SP3: variants seen among roughly 807,000 people sequenced by gnomAD.
The protein encoded by SP3 is transcription factor Sp3.
A neutral mutation model predicts 70.3 loss-of-function variants in SP3; 10 were observed. That is an observed-to-expected ratio of 0.14 (90% CI 0.09 to 0.24). The LOEUF is 0.24. SP3 is among the 10% of genes least tolerant of loss of function. The pLI, the probability that SP3 is intolerant of heterozygous loss-of-function variation, is 1.00. For missense variants in SP3, 825 were observed against 914.6 expected, an observed-to-expected ratio of 0.90 and a Z score of 1.26; for synonymous variants, 402 against 333.5, an observed-to-expected ratio of 1.21 and a Z score of -2.24.
rs894829713 is a variant in SP3 at position 173,903,206 on chromosome 2, CATAATATAAT to C, written c.*6725_*6734del. Reference sequence around the variant, plus strand: ...CTTCCAGTGCTTACATTTACTAATACATAATATAATATGTGCCAGGCATTATGGAAAGTGG... The same window carrying C: ...CTTCCAGTGCTTACATTTACTAATACATGTGCCAGGCATTATGGAAAGTGG... On this transcript the variant is annotated 3_prime_UTR_variant, in exon 7 of 7. Transcript: ENST00000310015. Among the ~76,000 whole-genome samples, 1 of 152,182 alleles carries C rather than the reference CATAATATAAT, an allele frequency of 6.6e-6. No individual in the cohort carries two copies. Among genetic ancestry groups the C allele is most frequent in the Admixed American group, 6.5e-5 (1 of 15,278 alleles).
intron 3 of SP3, among the ~76,000 whole-genome samples, chr2:173,957,394 T>C (rs1574425914): frequency 6.6e-6 from 1 of 151,942 alleles, no homozygotes; most frequent in Non-Finnish European, 1.5e-5. Flanking sequence ...AGACACAAGA[T>C]TGAAAAAAAA....
intron 4 of SP3, among the ~76,000 whole-genome samples, chr2:173,933,649 T>TATATATATAC (rs1690131700): frequency 7.4e-6 from 1 of 135,620 alleles, no homozygotes; most frequent in Admixed American, 7.2e-5. Context: ...TATATATATA[T>TATATATATAC]ATATATATAT....
At chr2:173,912,130 TTTC>T (rs1159374511) in intron 6 of SP3, among the ~76,000 whole-genome samples, 80 of 152,352 alleles carry the variant, frequency 5.3e-4, no homozygotes, top group African/African-American at 1.9e-3. Context: ...CCTTATCTAC[TTTC>T]TTAATTGTCT....
chr2:173,910,883 A>G (rs1689462802), intron 6 of SP3, among the ~76,000 whole-genome samples: 1 of 152,232 alleles, frequency 6.6e-6, no homozygotes, highest in Non-Finnish European at 1.5e-5. Context: ...ATTTCCCAGC[A>G]TGAATAAAGT....
intron 4 of SP3, among the ~76,000 whole-genome samples, chr2:173,953,433 G>A (rs774766473): frequency 8.5e-5 from 13 of 152,114 alleles, no homozygotes; most frequent in Non-Finnish European, 1.6e-4. Context: ...TGTAATCCCA[G>A]CACTTTGGGA....
chr2:173,900,849 GGATA>G lies in SP3; in HGVS notation c.*9088_*9091del, dbSNP rs1689178708. Among the ~76,000 whole-genome samples, 1 of 152,142 alleles carries G rather than the reference GGATA, an allele frequency of 6.6e-6. No individual in the cohort carries two copies. Among genetic ancestry groups the G allele is most frequent in the Non-Finnish European group, 1.5e-5 (1 of 67,998 alleles). ...TAATGGAGAGATACAGAATTATCAT[GGATA>G]GAAAGATAACATTCTTTCCCCAAAT... On this transcript the variant is annotated 3_prime_UTR_variant, in exon 7 of 7. Transcript: ENST00000310015.
intron 4 of SP3, among the ~76,000 whole-genome samples, chr2:173,923,001 A>G (rs1448309522): frequency 6.6e-6 from 1 of 152,258 alleles, no homozygotes; most frequent in Non-Finnish European, 1.5e-5. Flanking sequence ...CTGTAGCAAT[A>G]GTGCATGCTA....
At chr2:173,922,031 T>A (rs751878233) in intron 4 of SP3, among the ~76,000 whole-genome samples, 2 of 152,106 alleles carry the variant, frequency 1.3e-5, no homozygotes, top group Non-Finnish European at 2.9e-5. Context: ...ATGCTTCCGG[T>A]ACAGCCTGCA....
intron 4 of SP3, among the ~76,000 whole-genome samples, chr2:173,942,657 C>T (rs1690407071): frequency 6.6e-6 from 1 of 152,182 alleles, no homozygotes; most frequent in African/African-American, 2.4e-5. Flanking sequence ...TGATATTCCA[C>T]TGTTTACTGG....
intron 5 of SP3, chr2:173,913,821 T>A (rs1689555958): frequency 6.6e-6 from 1 of 152,174 alleles, no homozygotes. Context: ...GGAGAAAGCT[T>A]TTTTTTAAAT....
intron 3 of SP3, among the ~76,000 whole-genome samples, chr2:173,957,764 A>C (rs755068212): frequency 1.3e-5 from 2 of 152,174 alleles, no homozygotes; most frequent in African/African-American, 2.4e-5. Context: ...AAGGAGACTG[A>C]AAGAAAGGGA....
rs1689214496 is a variant in SP3 at position 173,902,832 on chromosome 2, G to A, written c.*7109C>T. ...CATTCTGATAAACATCAAATTCAGA[G>A]CTGCAATTACTTATGTGGGTAAAGG... On this transcript the variant is annotated 3_prime_UTR_variant, in exon 7 of 7. Transcript: ENST00000310015. Among the ~76,000 whole-genome samples, 1 of 152,152 alleles carries A rather than the reference G, an allele frequency of 6.6e-6. No individual in the cohort carries two copies. The highest frequency in any genetic ancestry group is 1.5e-5 in the Non-Finnish European group (1 of 68,016).
chr2:173,928,658 C>T (rs1299084598), intron 4 of SP3, among the ~76,000 whole-genome samples: 1 of 152,064 alleles, frequency 6.6e-6, no homozygotes, highest in Non-Finnish European at 1.5e-5. Flanking sequence ...GCTTTGAACC[C>T]CTAGTTATTT....
chr2:173,925,861 A>T (rs1187566049), intron 4 of SP3, among the ~76,000 whole-genome samples: 2 of 152,224 alleles, frequency 1.3e-5, no homozygotes, highest in Non-Finnish European at 2.9e-5. Context: ...CTGTTCTACC[A>T]GGTTAAAATA....
intron 3 of SP3, among the ~76,000 whole-genome samples, chr2:173,956,444 G>T (rs1264211493): frequency 6.6e-6 from 1 of 152,028 alleles, no homozygotes; most frequent in South Asian, 2.1e-4. Flanking sequence ...ATTTGAGTGG[G>T]ATAAAAAAAA....
intron 2 of SP3, 197 bp downstream of exon 2, chr2:173,964,208 A>C: frequency 4.4e-6 from 2 of 457,790 alleles, no homozygotes; most frequent in African/African-American, 2.1e-5. Flanking sequence ...AAAAGGCGGC[A>C]GGCGGGCGAG....
Position 173,955,827 on chromosome 2 carries a change from G to A in SP3, c.685C>T (p.Pro229Ser). The change falls in exon 4 of 7, where the codon CCA becomes TCA. Residue 229 changes from proline to serine, a missense_variant. By Grantham distance (74) the Pro-to-Ser change is moderately conservative. Around this residue, in one of 4 missense-constraint regions of SP3, gnomAD observed 678 missense variants for 651.6 expected, o/e 1.04. Coordinates refer to ENST00000310015, the MANE Select transcript of SP3 (RefSeq NM_003111.5). ...TPSANIQNLI[P>S]QTGQVQVQGV... ...TGAACCTGGACTTGACCAGTCTGTG[G>A]TATGAGATTCTGGATGTTAGCAGAA... 1 of 1,614,214 alleles carries A rather than the reference G, an allele frequency of 6.2e-7. No homozygotes were observed. Among genetic ancestry groups the A allele is most frequent in the Non-Finnish European group, 8.5e-7 (1 of 1,180,030 alleles).
At chr2:173,964,303 AGAGACGAGGAGGGAGGGGT>A (rs1559113564) in intron 2 of SP3, 83 bp downstream of exon 2, 2 of 504,186 alleles carry the variant, frequency 4.0e-6, no homozygotes, top group African/African-American at 2.4e-5. Flanking sequence ...AGGGGAGGGG[AGAGACGAGGAGGGAGGGGT>A]GAGGCGAGGA....
At chr2:173,963,993 G>T in intron 2 of SP3, 110 bp from the exon 3 acceptor site, 1 of 666,346 alleles carries the variant, frequency 1.5e-6, no homozygotes, top group South Asian at 2.7e-5. Context: ...GACTGCGCCC[G>T]GGCAAGCGCC....
Sources: gnomAD v4.1 joint callset for allele counts (sites outside exome capture counted in the v4.1 genomes callset) on GRCh38, gnomAD v4.1.1 for gene constraint, gnomAD v4.1.1 regional missense constraint, MANE v1.5 for transcripts, NCBI Gene and HGNC (gene_info 2026-07-23, HGNC 2026-07-21) for gene names.